SEMA3A: variants seen among roughly 807,000 people sequenced by gnomAD.
SEMA3A encodes the protein semaphorin 3A.
Under a neutral mutation model 97.9 loss-of-function variants are expected in SEMA3A, and 29 were observed. The observed-to-expected ratio is 0.30, with a 90% CI of 0.22 to 0.40. The LOEUF (loss-of-function observed/expected upper bound fraction) is 0.40, where lower values mean the gene tolerates loss of function less well. Ranked by LOEUF, SEMA3A falls within the 10% of genes least tolerant of loss-of-function variation. The pLI, the probability that SEMA3A is intolerant of heterozygous loss-of-function variation, is 1.00. For missense variants in SEMA3A, 763 were observed against 951.3 expected (o/e 0.80, Z 2.60); for synonymous variants, 321 against 323.7 (o/e 0.99, Z 0.09).
intron 5 of SEMA3A, among the ~76,000 whole-genome samples, chr7:84,053,911 G>T (rs1272305516): frequency 7.2e-6 from 1 of 138,826 alleles, no homozygotes; most frequent in Non-Finnish European, 1.6e-5. Context: ...AGGCCTGGTG[G>T]TGACAAAATC....
intron 1 of SEMA3A, among the ~76,000 whole-genome samples, chr7:84,453,114 G>GA (rs141429423): frequency 0.18 from 26,572 of 151,180 alleles, 2,449 homozygotes; most frequent in Middle Eastern, 0.22. Context: ...GAATCTGGAG[G>GA]AAAAAAAATA....
chr7:84,261,109 C>A (rs1326051276), intron 3 of SEMA3A, among the ~76,000 whole-genome samples: 2 of 152,172 alleles, frequency 1.3e-5, no homozygotes, highest in Admixed American at 6.5e-5. Context: ...CTCTTCAACT[C>A]ATTGGGATGA....
intron 1 of SEMA3A, among the ~76,000 whole-genome samples, chr7:84,411,566 A>T (rs1804267451): frequency 9.0e-6 from 1 of 111,726 alleles, no homozygotes; most frequent in African/African-American, 4.2e-5. Context: ...TTTGGGTATA[A>T]TTATATATAT....
chr7:83,973,337 T>A (rs917807216), intron 15 of SEMA3A, among the ~76,000 whole-genome samples: 1 of 152,124 alleles, frequency 6.6e-6, no homozygotes, highest in Non-Finnish European at 1.5e-5. Context: ...TCATTTGGTG[T>A]CCCAGTTTGA....
intron 5 of SEMA3A, among the ~76,000 whole-genome samples, chr7:84,059,483 TATAAG>T (rs1793129516): frequency 6.6e-6 from 1 of 152,048 alleles, no homozygotes; most frequent in Non-Finnish European, 1.5e-5. Flanking sequence ...AGGAAAAAAT[TATAAG>T]AAGAGAAACA....
At chr7:84,166,479 G>A (rs1450813240) in intron 1 of SEMA3A, among the ~76,000 whole-genome samples, 3 of 151,440 alleles carry the variant, frequency 2.0e-5, no homozygotes, top group Non-Finnish European at 4.4e-5. Context: ...CCTAAGGCAG[G>A]AGAATTGCTT....
chr7:84,016,552 G>GA (rs890829220), intron 6 of SEMA3A, among the ~76,000 whole-genome samples: 9 of 143,394 alleles, frequency 6.3e-5, no homozygotes, highest in Non-Finnish European at 9.2e-5. Context: ...AAAAAAAAAA[G>GA]AAAAAAAAAG....
intron 6 of SEMA3A, among the ~76,000 whole-genome samples, chr7:84,044,543 T>C (rs751318288): frequency 5.3e-5 from 8 of 151,892 alleles, no homozygotes; most frequent in African/African-American, 1.2e-4. Context: ...AGAGAAGAGA[T>C]TGAAAAAGAA....
At chr7:83,998,635 TTACAA>T (rs58352769) in intron 12 of SEMA3A, among the ~76,000 whole-genome samples, 23,770 of 152,048 alleles carry the variant, frequency 0.16, 2,192 homozygotes, top group Non-Finnish European at 0.21. Flanking sequence ...TGCAAGTACT[TTACAA>T]TATAAACTAT....
At chr7:84,433,670 T>A (rs1751014730) in intron 1 of SEMA3A, among the ~76,000 whole-genome samples, 1 of 152,168 alleles carries the variant, frequency 6.6e-6, no homozygotes, top group African/African-American at 2.4e-5. Context: ...TCCACAATGG[T>A]TGAACTAATT....
intron 7 of SEMA3A, among the ~76,000 whole-genome samples, chr7:84,013,564 T>A (rs552599919): frequency 6.7e-6 from 1 of 149,142 alleles, no homozygotes; most frequent in African/African-American, 2.6e-5. Flanking sequence ...TATTCAAAAC[T>A]TGCAAGGTAG....
chr7:84,218,831 C>T (rs1798810359), intron 3 of SEMA3A, among the ~76,000 whole-genome samples: 2 of 151,956 alleles, frequency 1.3e-5, no homozygotes, highest in Admixed American at 6.6e-5. Flanking sequence ...CTATATTTAA[C>T]CTCCCCATCA....
intron 1 of SEMA3A, among the ~76,000 whole-genome samples, chr7:84,408,650 C>T (rs1262247393): frequency 6.6e-6 from 1 of 151,916 alleles, no homozygotes; most frequent in African/African-American, 2.4e-5. Context: ...ACCCAAATGT[C>T]CAACAATGAT....
intron 1 of SEMA3A, among the ~76,000 whole-genome samples, chr7:84,140,546 G>A (rs1263679312): frequency 6.6e-6 from 1 of 152,092 alleles, no homozygotes; most frequent in Non-Finnish European, 1.5e-5. Context: ...TTAGGCTTAT[G>A]TCCTTTTTCC....
intron 1 of SEMA3A, among the ~76,000 whole-genome samples, chr7:84,436,701 T>C (rs1031904888): frequency 5.9e-5 from 9 of 152,154 alleles, no homozygotes; most frequent in Non-Finnish European, 1.2e-4. Flanking sequence ...GTGTTTGTGT[T>C]ATTTTCTCAT....
At chr7:84,401,261 A>C (rs776721315) in intron 1 of SEMA3A, among the ~76,000 whole-genome samples, 9 of 152,176 alleles carry the variant, frequency 5.9e-5, no homozygotes, top group Non-Finnish European at 1.2e-4. Context: ...AATTCCATTT[A>C]AAATAGCTAC....
chr7:84,018,907 AAAC>A (rs1272239155), intron 6 of SEMA3A, among the ~76,000 whole-genome samples: 1 of 152,158 alleles, frequency 6.6e-6, no homozygotes, highest in Non-Finnish European at 1.5e-5. Context: ...CTGCAGAGAA[AAAC>A]AAAACAAACA....
chr7:83,992,482 T>C (rs1256783614), intron 12 of SEMA3A, among the ~76,000 whole-genome samples: 5 of 151,828 alleles, frequency 3.3e-5, no homozygotes, highest in East Asian at 3.9e-4. Flanking sequence ...CTCTACACAC[T>C]GCTTTGAATG....
At chr7:84,068,743 G>A (rs1250690344) in intron 4 of SEMA3A, among the ~76,000 whole-genome samples, 1 of 152,076 alleles carries the variant, frequency 6.6e-6, no homozygotes, top group Non-Finnish European at 1.5e-5. Context: ...CAAGGTAGAT[G>A]AGAAGTGCTT....
Sources: allele counts gnomAD v4.1 joint callset (sites outside exome capture counted in the v4.1 genomes callset), GRCh38; gene constraint gnomAD v4.1.1; transcripts MANE v1.5; gene names NCBI Gene and HGNC (gene_info 2026-07-23, HGNC 2026-07-21).